Variants in KCTD16 observed in about 807,000 individuals in gnomAD.
KCTD16 encodes BTB/POZ domain-containing protein KCTD16.
In KCTD16, 13 loss-of-function variants were observed where a neutral mutation model predicts 33.2. That is an observed-to-expected ratio of 0.39 (90% CI 0.25 to 0.62). The LOEUF is 0.62. Among genes scored for constraint, KCTD16 ranks in the 20% least tolerant of loss-of-function variants. The probability of loss-of-function intolerance (pLI) is 0.50; values close to 1 mark genes in which losing one functional copy is unlikely to be tolerated. For missense variants in KCTD16, 441 were observed against 525.1 expected (o/e 0.84, Z 1.57); for synonymous variants, 197 against 195.3 (o/e 1.01, Z -0.07).
At chr5:144,274,755 C>G (rs1347410707) in intron 3 of KCTD16, among the ~76,000 whole-genome samples, 2 of 152,078 alleles carry the variant, frequency 1.3e-5, no homozygotes, top group African/African-American at 4.8e-5. Flanking sequence ...TATAATGAAC[C>G]CAACCCAACC....
intron 3 of KCTD16, among the ~76,000 whole-genome samples, chr5:144,215,949 T>C (rs1282392337): frequency 5.3e-5 from 8 of 152,226 alleles, no homozygotes; most frequent in Non-Finnish European, 1.2e-4. Flanking sequence ...CTTAAAAGGC[T>C]TTGAATTCTA....
At chr5:144,364,220 G>T (rs1157395932) in intron 3 of KCTD16, among the ~76,000 whole-genome samples, 1 of 152,150 alleles carries the variant, frequency 6.6e-6, no homozygotes, top group African/African-American at 2.4e-5. Context: ...CGAAGGTACG[G>T]CTCTGGTGGC....
chr5:144,404,620 G>C (rs1313396838), intron 3 of KCTD16, among the ~76,000 whole-genome samples: 5 of 152,090 alleles, frequency 3.3e-5, no homozygotes, highest in Non-Finnish European at 7.4e-5. Flanking sequence ...TAATTATAAA[G>C]GAAAATTGAA....
At chr5:144,430,822 T>TGG (rs1753442318) in intron 3 of KCTD16, among the ~76,000 whole-genome samples, 1 of 152,124 alleles carries the variant, frequency 6.6e-6, no homozygotes, top group African/African-American at 2.4e-5. Flanking sequence ...GGTCTCTCAA[T>TGG]TTTCACTGGC....
chr5:144,292,024 A>G (rs777737960), intron 3 of KCTD16, among the ~76,000 whole-genome samples: 5 of 152,160 alleles, frequency 3.3e-5, no homozygotes, highest in Non-Finnish European at 7.4e-5. Context: ...AGATTTTTAA[A>G]CTATTTTAAC....
intron 3 of KCTD16, among the ~76,000 whole-genome samples, chr5:144,302,989 G>T (rs1056194976): frequency 3.9e-5 from 6 of 152,286 alleles, no homozygotes; most frequent in East Asian, 1.9e-4. Flanking sequence ...TTTCTATATT[G>T]TACAGGGAAA....
intron 3 of KCTD16, among the ~76,000 whole-genome samples, chr5:144,223,355 A>G (rs1403286629): frequency 2.0e-5 from 3 of 152,180 alleles, no homozygotes; most frequent in Non-Finnish European, 1.5e-5. Context: ...TATAAATTCT[A>G]AAGACATCAT....
chr5:144,180,334 G>A (rs1476833382), intron 2 of KCTD16, among the ~76,000 whole-genome samples: 1 of 152,048 alleles, frequency 6.6e-6, no homozygotes, highest in African/African-American at 2.4e-5. Context: ...CATGCCAACA[G>A]GACTCCACAG....
intron 3 of KCTD16, among the ~76,000 whole-genome samples, chr5:144,434,755 G>A (rs1753538142): frequency 6.6e-6 from 1 of 152,162 alleles, no homozygotes; most frequent in Admixed American, 6.5e-5. Context: ...GATCATAGAG[G>A]TGGTTATTAT....
chr5:144,225,807 C>T (rs1753914050), intron 3 of KCTD16, among the ~76,000 whole-genome samples: 1 of 152,078 alleles, frequency 6.6e-6, no homozygotes, highest in African/African-American at 2.4e-5. Context: ...TTTTTAGTAG[C>T]TTGCCTAGTT....
rs1302742901 is a variant in KCTD16 at position 144,475,501 on chromosome 5, ACT to A, written c.*1390_*1391del. ...CTGTTAATAGCCATCCGTCCATGTA[ACT>A]CTGTATTTTACTAAGGTACCAATAG... On this transcript the variant is annotated 3_prime_UTR_variant, in exon 4 of 4. Coordinates refer to ENST00000512467, the MANE Select transcript of KCTD16 (RefSeq NM_020768.4). 1.3e-5 allele frequency: 2 copies of A among 152,748 alleles called. No homozygotes were observed. Among genetic ancestry groups the A allele is most frequent in the East Asian group, 1.9e-4 (1 of 5,180 alleles). 9.5% of individuals were successfully genotyped at this position (152,748 alleles called of 1,614,324 possible). A position where few individuals can be genotyped will look rare whatever the true frequency, so the allele number is the denominator to read the frequency against.
chr5:144,279,872 A>T (rs756699700), intron 3 of KCTD16, among the ~76,000 whole-genome samples: 1 of 152,244 alleles, frequency 6.6e-6, no homozygotes, highest in South Asian at 2.1e-4. Flanking sequence ...ATTTGCTAAG[A>T]GTATTTTAAT....
chr5:144,320,759 GTT>G (rs5871877), intron 3 of KCTD16, among the ~76,000 whole-genome samples: 12 of 142,522 alleles, frequency 8.4e-5, no homozygotes, highest in East Asian at 2.0e-4. Context: ...CTTTTTATTT[GTT>G]TTTTTTTTTT....
intron 2 of KCTD16, among the ~76,000 whole-genome samples, chr5:144,176,387 CTTTT>C (rs368578231): frequency 1.5e-3 from 160 of 106,644 alleles, no homozygotes; most frequent in African/African-American, 5.1e-3. Flanking sequence ...TATAGTGTTT[CTTTT>C]TTTTTTTTTT....
intron 3 of KCTD16, among the ~76,000 whole-genome samples, chr5:144,316,508 C>CTTTTTTTTTTTTTTT (rs398050808): frequency 8.3e-6 from 1 of 119,960 alleles, no homozygotes; most frequent in African/African-American, 3.2e-5. Flanking sequence ...TGTTTTTTGT[C>CTTTTTTTTTTTTTTT]TTTTTTTTTT....
intron 3 of KCTD16, among the ~76,000 whole-genome samples, chr5:144,217,461 C>T (rs1334601565): frequency 6.6e-6 from 1 of 152,062 alleles, no homozygotes; most frequent in African/African-American, 2.4e-5. Context: ...AGCAGTTTCA[C>T]TTGGCTTTTC....
intron 3 of KCTD16, among the ~76,000 whole-genome samples, chr5:144,244,545 T>C (rs146475879): frequency 6.6e-6 from 1 of 152,220 alleles, no homozygotes; most frequent in Non-Finnish European, 1.5e-5. Context: ...TCTTTTCATT[T>C]TTGCACTTCC....
chr5:144,449,332 C>T (rs1753889971), intron 3 of KCTD16, among the ~76,000 whole-genome samples: 1 of 151,850 alleles, frequency 6.6e-6, no homozygotes, highest in Non-Finnish European at 1.5e-5. Context: ...CTATGCAAAG[C>T]TGTCTACAGA....
Position 144,347,140 on chromosome 5 carries a change from T to C in KCTD16, c.833-126520T>C, listed in dbSNP as rs1187773622. Among the ~76,000 whole-genome samples, 4 of 152,352 alleles carry C rather than the reference T, an allele frequency of 2.6e-5. No individual in the cohort carries two copies. The East Asian group carries it at 7.7e-4, about 29-fold the overall frequency. ...CATTAGGAAATGATTTACTGTTCAA[T>C]GTAGTATCCTCTAGCCCCATGTGGC... On this transcript the variant is annotated intron_variant, in intron 3 of 3. Transcript: ENST00000512467.
Sources: gnomAD v4.1 joint callset for allele counts (sites outside exome capture counted in the v4.1 genomes callset) on GRCh38, gnomAD v4.1.1 for gene constraint, MANE v1.5 for transcripts, NCBI Gene and HGNC (gene_info 2026-07-23, HGNC 2026-07-21) for gene names.